The following RIMS2 variants were observed in gnomAD, a reference collection of about 807,000 sequenced individuals.
The protein encoded by RIMS2 is regulating synaptic membrane exocytosis 2.
RIMS2 carries 59 observed loss-of-function variants against 174.4 expected under a neutral mutation model. The observed-to-expected ratio is 0.34, with a 90% CI of 0.27 to 0.42. The LOEUF (loss-of-function observed/expected upper bound fraction) is 0.42, where lower values mean the gene tolerates loss of function less well. RIMS2 is among the 10% of genes least tolerant of loss of function. RIMS2 has a pLI of 1.00. For missense variants in RIMS2, 1,620 were observed against 1,666.3 expected, an observed-to-expected ratio of 0.97 and a Z score of 0.48; for synonymous variants, 606 against 572.5, an observed-to-expected ratio of 1.06 and a Z score of -0.84.
chr8:103,754,792 C>G (rs2097957302), intron 2 of RIMS2, among the ~76,000 whole-genome samples: 1 of 152,128 alleles, frequency 6.6e-6, no homozygotes, highest in Non-Finnish European at 1.5e-5. Context: ...GTAGATCTTC[C>G]TCTATCCCTT....
chr8:103,778,911 C>G (rs1161203244), intron 3 of RIMS2, among the ~76,000 whole-genome samples: 6 of 152,014 alleles, frequency 3.9e-5, no homozygotes, highest in Non-Finnish European at 5.9e-5. Context: ...CACCAGTATC[C>G]CTTATCCTTG....
intron 19 of RIMS2, among the ~76,000 whole-genome samples, chr8:104,032,033 A>C (rs2096405134): frequency 6.6e-6 from 1 of 152,072 alleles, no homozygotes; most frequent in African/African-American, 2.4e-5. Context: ...GACTAATTTA[A>C]ATACAGATGG....
chr8:103,650,670 A>G (rs369165273), intron 1 of RIMS2, among the ~76,000 whole-genome samples: 137 of 152,376 alleles, frequency 9.0e-4, no homozygotes, highest in African/African-American at 3.1e-3. Flanking sequence ...TTCCACTTAA[A>G]GAAGCAGTCT....
intron 14 of RIMS2, among the ~76,000 whole-genome samples, chr8:103,946,887 A>G (rs2083933797): frequency 6.6e-6 from 1 of 152,236 alleles, no homozygotes; most frequent in African/African-American, 2.4e-5. Flanking sequence ...TAATACTGAC[A>G]TAATGATAGA....
intron 3 of RIMS2, among the ~76,000 whole-genome samples, chr8:103,777,517 A>G (rs568657951): frequency 4.6e-5 from 7 of 152,124 alleles, no homozygotes; most frequent in South Asian, 2.1e-4. Context: ...CATATGTATC[A>G]TATATCCTGC....
At chr8:103,516,182 G>A (rs1009627242) in intron 1 of RIMS2, among the ~76,000 whole-genome samples, 1 of 151,992 alleles carries the variant, frequency 6.6e-6, no homozygotes, top group Non-Finnish European at 1.5e-5. Context: ...ATCTTGCTTT[G>A]TGGCAAGGTG....
chr8:104,068,551 T>C (rs1428106005), intron 19 of RIMS2: 7 of 1,571,302 alleles, frequency 4.5e-6, no homozygotes, highest in Non-Finnish European at 5.2e-6. Flanking sequence ...CAAATGAAAA[T>C]TAACAAATAC....
chr8:104,051,884 G>C (rs903679586), intron 19 of RIMS2, among the ~76,000 whole-genome samples: 1 of 152,210 alleles, frequency 6.6e-6, no homozygotes, highest in Non-Finnish European at 1.5e-5. Flanking sequence ...ACAATTCCTG[G>C]GATATACAGA....
chr8:104,083,643 T>G (rs1335530739), intron 19 of RIMS2, among the ~76,000 whole-genome samples: 1 of 152,224 alleles, frequency 6.6e-6, no homozygotes, highest in African/African-American at 2.4e-5. Flanking sequence ...AAGCATTTAG[T>G]CATAATAAAA....
intron 1 of RIMS2, among the ~76,000 whole-genome samples, chr8:103,508,141 C>T (rs1345705921): frequency 6.6e-6 from 1 of 151,974 alleles, no homozygotes; most frequent in Non-Finnish European, 1.5e-5. Flanking sequence ...CTTTTGTATT[C>T]TCTAGTCACC....
Position 103,587,451 on chromosome 8 carries a change from AGAAAGAAAGAAAGAAAG to A in RIMS2, c.176+86390_176+86406del, listed in dbSNP as rs1198367398. Among the ~76,000 whole-genome samples, 1,008 of 124,894 alleles carry A rather than the reference AGAAAGAAAGAAAGAAAG, an allele frequency of 8.1e-3. 21 individuals are homozygous for A. The highest frequency in any genetic ancestry group is 0.027 in the African/African-American group (904 of 32,944). 81.9% of individuals were successfully genotyped at this position (124,894 alleles called of 152,430 possible). A position where few individuals can be genotyped will look rare whatever the true frequency, so the allele number is the denominator to read the frequency against. The stretch of plus-strand genomic sequence containing the variant: ...AAGAAAGAAAGAAAGAAAGAAAGAA[AGAAAGAAAGAAAGAAAG>A]AAACTATGCACCAATATTTCTGATG... On this transcript the variant is annotated intron_variant, in intron 1 of 23. Coordinates refer to ENST00000504942, the Ensembl canonical transcript of RIMS2.
chr8:103,667,827 T>G lies in RIMS2; in HGVS notation c.177-29259T>G, dbSNP rs572804196. On this transcript the variant is annotated intron_variant, in intron 1 of 23. Transcript: ENST00000504942. The stretch of plus-strand genomic sequence containing the variant: ...GTTAGCTTTACCTTAAGGTCTCCAA[T>G]GGGTGTATAGTTCCAAGAGTCTGTA... Among the ~76,000 whole-genome samples the G allele has an allele frequency of 4.6e-5, 7 of 152,304 alleles. No homozygotes were observed. The South Asian group carries it at 1.5e-3, about 32-fold the overall frequency.
intron 19 of RIMS2, among the ~76,000 whole-genome samples, chr8:104,169,340 A>ATATATATATAT (rs1491155725): frequency 3.0e-4 from 10 of 33,188 alleles, no homozygotes; most frequent in South Asian, 1.4e-3. Context: ...ATATATATAT[A>ATATATATATAT]AAACAGATTC....
At chr8:104,197,956 A>T (rs966014729) in intron 19 of RIMS2, among the ~76,000 whole-genome samples, 5 of 151,378 alleles carry the variant, frequency 3.3e-5, no homozygotes, top group Admixed American at 3.3e-4. Flanking sequence ...CTCTCTAAAA[A>T]TAATAATAAT....
chr8:103,870,462 T>C (rs2099105857), intron 3 of RIMS2, among the ~76,000 whole-genome samples: 1 of 152,142 alleles, frequency 6.6e-6, no homozygotes, highest in South Asian at 2.1e-4. Flanking sequence ...AATGGCATAA[T>C]GTCTTCAAGC....
intron 1 of RIMS2, among the ~76,000 whole-genome samples, chr8:103,678,386 T>G (rs1306229110): frequency 1.3e-5 from 2 of 152,066 alleles, no homozygotes; most frequent in African/African-American, 4.8e-5. Flanking sequence ...ATTAGAGAGG[T>G]AGAGATTAAT....
intron 2 of RIMS2, among the ~76,000 whole-genome samples, chr8:103,704,257 G>T (rs2097198736): frequency 6.6e-6 from 1 of 151,018 alleles, no homozygotes; most frequent in African/African-American, 2.4e-5. Flanking sequence ...TTCTATTATT[G>T]TGGTGTGTCA....
chr8:103,940,692 G>A (rs1334291829), intron 13 of RIMS2, among the ~76,000 whole-genome samples: 3 of 151,850 alleles, frequency 2.0e-5, no homozygotes, highest in Non-Finnish European at 4.4e-5. Flanking sequence ...CCTGACCAGT[G>A]TGGCAAAAAC....
At chr8:103,541,151 C>T (rs1318887015) in intron 1 of RIMS2, among the ~76,000 whole-genome samples, 1 of 152,062 alleles carries the variant, frequency 6.6e-6, no homozygotes, top group Non-Finnish European at 1.5e-5. Context: ...ACAGGAAGGT[C>T]AGGGAGTTCC....
Sources: allele counts gnomAD v4.1 joint callset (sites outside exome capture counted in the v4.1 genomes callset), GRCh38; gene constraint gnomAD v4.1.1; transcripts MANE v1.5; gene names NCBI Gene and HGNC (gene_info 2026-07-23, HGNC 2026-07-21).